The following BMAL2 variants were observed in gnomAD, a reference collection of about 807,000 sequenced individuals.
BMAL2 encodes the protein basic helix-loop-helix ARNT-like protein 2.
chr12:27,413,596 A>G, the BMAL2 span, among the ~76,000 whole-genome samples: 1 of 152,236 alleles, frequency 6.6e-6, no homozygotes, highest in East Asian at 1.9e-4. Context: ...GAAGAATGGA[A>G]CAAAGGAACT....
chr12:27,363,817 A>G, the BMAL2 span, among the ~76,000 whole-genome samples: 1 of 152,132 alleles, frequency 6.6e-6, no homozygotes, highest in African/African-American at 2.4e-5. Context: ...AAAGATTGTC[A>G]CATTTAACAA....
At chr12:27,351,145 C>T in the BMAL2 span, among the ~76,000 whole-genome samples, 3 of 152,018 alleles carry the variant, frequency 2.0e-5, no homozygotes, top group African/African-American at 7.2e-5. Flanking sequence ...TGTGCCACCA[C>T]ACCCTGCTAA....
At chr12:27,390,551 A>G in the BMAL2 span, 1 of 256,150 alleles carries the variant, frequency 3.9e-6, no homozygotes, top group Non-Finnish European at 7.4e-6. Context: ...AAACTTCATT[A>G]TTACATTTTA....
the BMAL2 span, among the ~76,000 whole-genome samples, chr12:27,394,229 A>C: frequency 6.6e-6 from 1 of 152,072 alleles, no homozygotes; most frequent in Non-Finnish European, 1.5e-5. Context: ...ACCATGCCTG[A>C]CTACAACACA....
the BMAL2 span, among the ~76,000 whole-genome samples, chr12:27,337,450 A>G: frequency 5.9e-5 from 9 of 152,120 alleles, no homozygotes; most frequent in African/African-American, 2.2e-4. Flanking sequence ...CCTATACTCA[A>G]TTATGTGAAG....
chr12:27,401,489 G>A, the BMAL2 span: 3 of 1,550,600 alleles, frequency 1.9e-6, no homozygotes, highest in African/African-American at 1.4e-5. Context: ...TATAGTCATT[G>A]ACTATTATGC....
chr12:27,420,258 C>A, the BMAL2 span: 4 of 1,030,020 alleles, frequency 3.9e-6, no homozygotes. Context: ...ATATACTTTG[C>A]CTTCAAAAAT....
At chr12:27,406,568 C>T in the BMAL2 span, among the ~76,000 whole-genome samples, 2 of 152,310 alleles carry the variant, frequency 1.3e-5, no homozygotes, top group East Asian at 3.9e-4. Context: ...ACCACCAGGA[C>T]TGCCTTACAA....
At chr12:27,347,975 C>T in the BMAL2 span, among the ~76,000 whole-genome samples, 2 of 152,174 alleles carry the variant, frequency 1.3e-5, no homozygotes, top group African/African-American at 4.8e-5. Flanking sequence ...ACAGACATGT[C>T]ATAATCAGGT....
chr12:27,423,231 G>A, the BMAL2 span: 2 of 151,418 alleles, frequency 1.3e-5, no homozygotes, highest in Admixed American at 1.3e-4. Flanking sequence ...TTTCTACTGC[G>A]AGTCAATTTT....
At chr12:27,423,388 G>A in the BMAL2 span, 19 of 144,218 alleles carry the variant, frequency 1.3e-4, 1 homozygote, top group Admixed American at 4.2e-4. Context: ...GGAGTGCAGT[G>A]GCGCGATCTT....
At chr12:27,352,994 C>CTA in the BMAL2 span, among the ~76,000 whole-genome samples, 1 of 151,874 alleles carries the variant, frequency 6.6e-6, no homozygotes, top group Non-Finnish European at 1.5e-5. Flanking sequence ...GTTAAAATGG[C>CTA]TATACTGCCC....
At chr12:27,335,170 A>G in the BMAL2 span, among the ~76,000 whole-genome samples, 1 of 152,336 alleles carries the variant, frequency 6.6e-6, no homozygotes, top group African/African-American at 2.4e-5. Flanking sequence ...GTTGGTGGCC[A>G]TCTACAAAAC....
At chr12:27,394,642 C>T in the BMAL2 span, 1 of 152,150 alleles carries the variant, frequency 6.6e-6, no homozygotes, top group African/African-American at 2.4e-5. Flanking sequence ...GCAATTTCAA[C>T]ATTTTTTTTA....
At chr12:27,419,964 C>G in the BMAL2 span, among the ~76,000 whole-genome samples, 4 of 151,356 alleles carry the variant, frequency 2.6e-5, no homozygotes, top group Non-Finnish European at 5.9e-5. Context: ...CAGTATTAAA[C>G]AGATAGGGTT....
At chr12:27,349,914 T>C in the BMAL2 span, among the ~76,000 whole-genome samples, 3 of 152,178 alleles carry the variant, frequency 2.0e-5, no homozygotes, top group Admixed American at 1.3e-4. Flanking sequence ...ATTCAGTCCA[T>C]GGTCAGCAGA....
the BMAL2 span, among the ~76,000 whole-genome samples, chr12:27,419,030 C>T: frequency 1.3e-5 from 2 of 150,690 alleles, no homozygotes; most frequent in African/African-American, 2.4e-5. Flanking sequence ...ATTCAGTTAT[C>T]AATGGAATCA....
chr12:27,415,355 T>G, the BMAL2 span, among the ~76,000 whole-genome samples: 1 of 152,222 alleles, frequency 6.6e-6, no homozygotes, highest in Admixed American at 6.5e-5. Context: ...GTCAACTGCC[T>G]TCTTGGGAAC....
chr12:27,353,194 A>C, the BMAL2 span, among the ~76,000 whole-genome samples: 23 of 152,242 alleles, frequency 1.5e-4, no homozygotes, highest in African/African-American at 5.3e-4. Context: ...AGGCAGCAGT[A>C]ACCAAAACAG....
Sources: gnomAD v4.1 joint callset for allele counts (sites outside exome capture counted in the v4.1 genomes callset) on GRCh38, gnomAD v4.1.1 for gene constraint, MANE v1.5 for transcripts, NCBI Gene and HGNC (gene_info 2026-07-23, HGNC 2026-07-21) for gene names.